The following FBXW10B variants were observed in gnomAD, a reference collection of about 807,000 sequenced individuals.
FBXW10B encodes F-box and WD repeat domain containing protein 10B.
the FBXW10B span, chr17:15,589,041 GC>G: frequency 9.3e-6 from 15 of 1,608,704 alleles, no homozygotes; most frequent in Non-Finnish European, 3.4e-6. Flanking sequence ...GGGCCATCCC[GC>G]CTGTCATGGG....
the FBXW10B span, among the ~76,000 whole-genome samples, chr17:15,587,773 G>T: frequency 6.6e-6 from 1 of 152,064 alleles, no homozygotes; most frequent in Non-Finnish European, 1.5e-5. Flanking sequence ...GCCTCTCTAG[G>T]GAGTTGGCTG....
the FBXW10B span, among the ~76,000 whole-genome samples, chr17:15,585,530 G>A: frequency 2.0e-5 from 3 of 152,054 alleles, no homozygotes; most frequent in African/African-American, 7.2e-5. Context: ...TTTAAGATTA[G>A]GAAACAAAAA....
chr17:15,619,558 G>A, the FBXW10B span: 1 of 1,588,242 alleles, frequency 6.3e-7, no homozygotes, highest in Admixed American at 1.7e-5. Flanking sequence ...ACTTGCAACG[G>A]CAACGCCACC....
the FBXW10B span, among the ~76,000 whole-genome samples, chr17:15,600,940 A>T: frequency 9.9e-5 from 14 of 140,952 alleles, no homozygotes; most frequent in Middle Eastern, 7.9e-3. Context: ...AGTCCCAGCT[A>T]CTCGGGAGGC....
the FBXW10B span, chr17:15,615,686 G>A: frequency 6.2e-7 from 1 of 1,613,838 alleles, no homozygotes; most frequent in Non-Finnish European, 8.5e-7. Context: ...ATTTTCTGGG[G>A]CTTTGGACAA....
At chr17:15,575,099 G>GAA in the FBXW10B span, among the ~76,000 whole-genome samples, 15,006 of 135,858 alleles carry the variant, frequency 0.11, 666 homozygotes, top group East Asian at 0.33. Flanking sequence ...GGGGACAGCA[G>GAA]GAGACAAGTG....
chr17:15,593,261 G>C, the FBXW10B span: 1 of 1,602,850 alleles, frequency 6.2e-7, no homozygotes, highest in South Asian at 1.1e-5. Context: ...TCCAGGGCTG[G>C]TATCCCAGGG....
the FBXW10B span, chr17:15,598,602 CT>C: frequency 1.9e-6 from 3 of 1,613,266 alleles, no homozygotes; most frequent in Non-Finnish European, 2.5e-6. Context: ...TGATAGTCCC[CT>C]GGTGACCACC....
At chr17:15,585,702 T>C in the FBXW10B span, among the ~76,000 whole-genome samples, 1 of 152,194 alleles carries the variant, frequency 6.6e-6, no homozygotes, top group Admixed American at 6.5e-5. Flanking sequence ...CTTTGCTAAT[T>C]TTTTTCAAAA....
chr17:15,606,517 A>G, the FBXW10B span, among the ~76,000 whole-genome samples: 49,460 of 143,520 alleles, frequency 0.34, 10,004 homozygotes, highest in African/African-American at 0.55. Context: ...ACAGAATGAG[A>G]TTCACTCTGA....
chr17:15,617,142 A>C, the FBXW10B span, among the ~76,000 whole-genome samples: 1 of 152,106 alleles, frequency 6.6e-6, no homozygotes, highest in Admixed American at 6.5e-5. Flanking sequence ...ACTGTTTTTG[A>C]CACCCTAGGA....
the FBXW10B span, chr17:15,565,957 A>G: frequency 6.3e-7 from 1 of 1,587,744 alleles, no homozygotes; most frequent in Non-Finnish European, 8.6e-7. Context: ...GCGGATAATC[A>G]TGGGCTCGGG....
the FBXW10B span, chr17:15,593,544 C>G: frequency 6.2e-7 from 1 of 1,601,714 alleles, no homozygotes; most frequent in Non-Finnish European, 8.5e-7. Flanking sequence ...CATAAAATGC[C>G]TGGGTTTGTT....
the FBXW10B span, chr17:15,594,685 C>T: frequency 6.4e-7 from 1 of 1,568,398 alleles, no homozygotes; most frequent in Non-Finnish European, 8.7e-7. Context: ...TGATTGCAGT[C>T]TAGGCTATGA....
chr17:15,569,331 G>A, the FBXW10B span, among the ~76,000 whole-genome samples: 1 of 151,816 alleles, frequency 6.6e-6, no homozygotes, highest in African/African-American at 2.4e-5. Flanking sequence ...TAGCTCTTCT[G>A]ACTGGGGTAA....
the FBXW10B span, among the ~76,000 whole-genome samples, chr17:15,597,398 C>T: frequency 1.4e-5 from 2 of 146,566 alleles, no homozygotes; most frequent in East Asian, 2.1e-4. Flanking sequence ...GAGGCCAAGG[C>T]GGGTGGATTA....
the FBXW10B span, among the ~76,000 whole-genome samples, chr17:15,575,178 A>G: frequency 0.25 from 31,821 of 128,698 alleles, 1,556 homozygotes; most frequent in African/African-American, 0.38. Flanking sequence ...GATAAAACCA[A>G]GTGTTTTGCC....
the FBXW10B span, among the ~76,000 whole-genome samples, chr17:15,603,952 C>T: frequency 2.1e-5 from 3 of 141,020 alleles, no homozygotes; most frequent in African/African-American, 8.0e-5. Flanking sequence ...TGGTGGCGGG[C>T]CCCTGCAGTC....
chr17:15,574,091 T>A, the FBXW10B span: 1 of 722,416 alleles, frequency 1.4e-6, no homozygotes, highest in Non-Finnish European at 2.5e-6. Flanking sequence ...GTTGCCTCCG[T>A]CACTGTTCTA....
Sources: gnomAD v4.1 joint callset for allele counts (sites outside exome capture counted in the v4.1 genomes callset) on GRCh38, gnomAD v4.1.1 for gene constraint, MANE v1.5 for transcripts, NCBI Gene and HGNC (gene_info 2026-07-23, HGNC 2026-07-21) for gene names.